The following TGFA variants were observed in gnomAD, a reference collection of about 807,000 sequenced individuals.
The protein encoded by TGFA is transforming growth factor alpha, also known as protransforming growth factor alpha.
A neutral mutation model predicts 21.7 loss-of-function variants in TGFA; 12 were observed. That is an observed-to-expected ratio of 0.55 (90% CI 0.35 to 0.90). The LOEUF is 0.90. TGFA is among the 40% of genes least tolerant of loss of function. TGFA has a pLI of 0.01. For missense variants in TGFA, 178 were observed against 210.8 expected (o/e 0.84, Z 0.96); for synonymous variants, 79 against 88.1 (o/e 0.90, Z 0.58).
At chr2:70,529,596 C>T (rs959431034) in intron 1 of TGFA, among the ~76,000 whole-genome samples, 4 of 136,144 alleles carry the variant, frequency 2.9e-5, no homozygotes, top group African/African-American at 1.4e-4. Flanking sequence ...AATCCCCCCG[C>T]CCCAGTCCTA....
At chr2:70,469,477 A>G (rs1466788043) in intron 2 of TGFA, among the ~76,000 whole-genome samples, 1 of 152,134 alleles carries the variant, frequency 6.6e-6, no homozygotes, top group Non-Finnish European at 1.5e-5. Flanking sequence ...TGGGATTAAC[A>G]GGTACATTCC....
At chr2:70,528,566 A>G (rs1672713736) in intron 1 of TGFA, among the ~76,000 whole-genome samples, 1 of 152,214 alleles carries the variant, frequency 6.6e-6, no homozygotes, top group Admixed American at 6.5e-5. Flanking sequence ...AAAGGTTGAC[A>G]GGCACACAGT....
chr2:70,515,022 G>C, intron 1 of TGFA, 110 bp from the exon 2 acceptor site: 1 of 948,034 alleles, frequency 1.1e-6, no homozygotes, highest in East Asian at 2.6e-5. Context: ...TAGTTTCACA[G>C]AGTGGCCGGT....
chr2:70,455,131 C>A (rs1670183826), intron 4 of TGFA, among the ~76,000 whole-genome samples: 1 of 152,214 alleles, frequency 6.6e-6, no homozygotes, highest in South Asian at 2.1e-4. Context: ...TCCAAGGCCC[C>A]TGGAAGCAGA....
chr2:70,473,242 T>A (rs558214196), intron 2 of TGFA, among the ~76,000 whole-genome samples: 16 of 152,190 alleles, frequency 1.1e-4, no homozygotes, highest in Non-Finnish European at 1.9e-4. Flanking sequence ...AAAGCAGCTA[T>A]GGAGTGAAGG....
chr2:70,523,262 A>G (rs557782625), intron 1 of TGFA, among the ~76,000 whole-genome samples: 9 of 152,310 alleles, frequency 5.9e-5, no homozygotes, highest in African/African-American at 1.9e-4. Context: ...AGTGACCCCA[A>G]AGAGGCCTGG....
At chr2:70,465,262 C>A (rs1161968876) in intron 3 of TGFA, among the ~76,000 whole-genome samples, 3 of 152,202 alleles carry the variant, frequency 2.0e-5, no homozygotes, top group Non-Finnish European at 2.9e-5. Context: ...AGTTATCCAT[C>A]CCAGTGCCTT....
At chr2:70,547,953 A>G (rs4852650) in intron 1 of TGFA, among the ~76,000 whole-genome samples, 65,502 of 151,074 alleles carry the variant, frequency 0.43, 14,756 homozygotes, top group East Asian at 0.6. Context: ...TTATCTTTCC[A>G]TGGTGGAATT....
At chr2:70,507,054 G>A (rs550368729) in intron 2 of TGFA, among the ~76,000 whole-genome samples, 33 of 152,378 alleles carry the variant, frequency 2.2e-4, no homozygotes, top group African/African-American at 7.2e-4. Flanking sequence ...CAAAGGTCCT[G>A]TGAGTGCTGC....
Position 70,514,879 on chromosome 2 carries a change from T to G in TGFA, c.74A>C (p.Asn25Thr). 2 of 1,614,020 alleles carry G rather than the reference T, an allele frequency of 1.2e-6. No homozygotes were observed. Among genetic ancestry groups the G allele is most frequent in the Non-Finnish European group, 8.5e-7 (1 of 1,179,984 alleles). Residue 25 changes from asparagine (N) to threonine (T), a missense_variant, in exon 2 of 6, where the codon AAC becomes ACC. Physicochemically the swap from Asn to Thr is moderately conservative, Grantham distance 65. Transcript: ENST00000295400. Reference protein sequence around the residue: ...IVLAACQALENSTSPLSADPP... With the variant: ...IVLAACQALETSTSPLSADPP... ...CTCACCACTCAGCGGGGACGTGCTG[T>G]TCTCCAAGGCCTGGCACGCAGCCAA...
intron 2 of TGFA, among the ~76,000 whole-genome samples, chr2:70,475,583 C>T (rs1397522576): frequency 6.6e-6 from 1 of 152,110 alleles, no homozygotes; most frequent in Non-Finnish European, 1.5e-5. Context: ...ATCTTCCACA[C>T]ACTCAAGATG....
intron 2 of TGFA, among the ~76,000 whole-genome samples, chr2:70,504,461 T>TATATATATAA (rs1490288034): frequency 1.5e-5 from 1 of 65,166 alleles, no homozygotes; most frequent in Non-Finnish European, 2.7e-5. Context: ...TATATATATA[T>TATATATATAA]ATACACACAT....
rs1432347684 is a variant in TGFA, at chr2:70,521,609, G to GTTGTTTTT, written c.41-6698_41-6697insAAAAACAA. On this transcript the variant is annotated intron_variant, in intron 1 of 5. Coordinates refer to ENST00000295400, the MANE Select transcript of TGFA (RefSeq NM_003236.4). ...ACTATTGATAGTTTTTTTTGTTGTT[G>GTTGTTTTT]TTTGTTTGTTTTTTTTTTTTTTTTT... is the stretch of plus-strand genomic sequence containing the variant. 7.7e-4 allele frequency among the ~76,000 whole-genome samples: 61 copies of GTTGTTTTT among 78,874 alleles called. 1 individual carries two copies. Among genetic ancestry groups the GTTGTTTTT allele is most frequent in the Middle Eastern group, 6.4e-3 (1 of 156 alleles). 51.7% of individuals were successfully genotyped at this position (78,874 alleles called of 152,430 possible). A position where few individuals can be genotyped will look rare whatever the true frequency, so the allele number is the denominator to read the frequency against.
intron 2 of TGFA, among the ~76,000 whole-genome samples, chr2:70,493,859 G>A (rs1055956226): frequency 2.6e-5 from 4 of 152,192 alleles, no homozygotes; most frequent in Admixed American, 1.3e-4. Flanking sequence ...GGACCAACTC[G>A]TGTATACGCT....
At position 70,528,100 on chromosome 2, in the gene TGFA, G is replaced by A. The variant is rs553589334; in HGVS notation, c.41-13188C>T. Among the ~76,000 whole-genome samples, 12 of 152,324 alleles carry A rather than the reference G, an allele frequency of 7.9e-5. No individual in the cohort carries two copies. The South Asian group carries it at 2.3e-3, about 29-fold the overall frequency. On this transcript the variant is annotated intron_variant, in intron 1 of 5. Transcript: ENST00000295400. ...CCATCACTATGAATTCTACCCTGCT[G>A]AAAACAGAGAGGGCAGAAGCACGCT... is the stretch of plus-strand genomic sequence containing the variant.
At chr2:70,552,684 C>G (rs977354150) in intron 1 of TGFA, among the ~76,000 whole-genome samples, 1 of 152,216 alleles carries the variant, frequency 6.6e-6, no homozygotes, top group Non-Finnish European at 1.5e-5. Context: ...TAGTTGTACA[C>G]GGAGCTGGGT....
intron 2 of TGFA, among the ~76,000 whole-genome samples, chr2:70,484,721 T>C (rs139604749): frequency 1.1e-4 from 17 of 152,346 alleles, no homozygotes; most frequent in African/African-American, 4.1e-4. Context: ...TGTTCTGAGA[T>C]AGAATCTGCC....
Position 70,514,917 on chromosome 2 carries a change from T to C in TGFA, c.41-5A>G. ...GGCACGCAGCCAACACAATACCTGT[T>C]GGGTGGAGGAGAAGAGGGAAAAGGT... is the stretch of plus-strand genomic sequence containing the variant. On this transcript the variant is annotated splice_region_variant and splice_polypyrimidine_tract_variant and intron_variant, in intron 1 of 5. Transcript: ENST00000295400. 6.2e-7 allele frequency: 1 copy of C among 1,613,654 alleles called. No individual in the cohort carries two copies. The highest frequency in any genetic ancestry group is 1.7e-5 in the Admixed American group (1 of 59,966).
intron 2 of TGFA, chr2:70,467,246 T>C (rs1553492464): frequency 6.6e-6 from 1 of 152,160 alleles, no homozygotes. Flanking sequence ...GAAACCCATA[T>C]GAGAGCAGCA....
Sources: gnomAD v4.1 joint callset for allele counts (sites outside exome capture counted in the v4.1 genomes callset) on GRCh38, gnomAD v4.1.1 for gene constraint, MANE v1.5 for transcripts, NCBI Gene and HGNC (gene_info 2026-07-23, HGNC 2026-07-21) for gene names.